The following TTC7B variants were observed in gnomAD, a reference collection of about 807,000 sequenced individuals.
TTC7B encodes the protein tetratricopeptide repeat protein 7B.
TTC7B carries 28 observed loss-of-function variants against 106.8 expected under a neutral mutation model. That is an observed-to-expected ratio of 0.26 (90% CI 0.19 to 0.36). TTC7B has a LOEUF of 0.36. Ranked by LOEUF, TTC7B falls within the 10% of genes least tolerant of loss-of-function variation. TTC7B has a pLI of 1.00. For synonymous variants in TTC7B, 405 were observed against 430.6 expected (o/e 0.94, Z 0.74); for missense variants, 862 against 1,076.4 (o/e 0.80, Z 2.79).
At chr14:90,765,268 G>A (rs1890636322) in intron 3 of TTC7B, among the ~76,000 whole-genome samples, 2 of 152,182 alleles carry the variant, frequency 1.3e-5, no homozygotes, top group South Asian at 4.1e-4. Context: ...TATAGAGACA[G>A]GGTATAGATT....
chr14:90,809,211 G>A (rs1489854055), intron 1 of TTC7B, among the ~76,000 whole-genome samples: 1 of 152,152 alleles, frequency 6.6e-6, no homozygotes, highest in African/African-American at 2.4e-5. Flanking sequence ...ACGATTTCCA[G>A]GGGAAAAAGA....
chr14:90,781,918 C>G (rs568052321), intron 2 of TTC7B, among the ~76,000 whole-genome samples: 2 of 152,296 alleles, frequency 1.3e-5, no homozygotes, highest in South Asian at 4.1e-4. Flanking sequence ...AACAGGCCAC[C>G]CTGCCACCTA....
intron 12 of TTC7B, 126 bp downstream of exon 12, chr14:90,654,866 TG>T (rs1885879516): frequency 1.4e-6 from 1 of 735,056 alleles, no homozygotes; most frequent in Non-Finnish European, 2.3e-6. Context: ...CCCCACCGGA[TG>T]GCACACCAGA....
intron 5 of TTC7B, among the ~76,000 whole-genome samples, chr14:90,704,181 G>A (rs1001801379): frequency 3.9e-5 from 6 of 152,202 alleles, no homozygotes; most frequent in Non-Finnish European, 8.8e-5. Flanking sequence ...TGAATCCTCC[G>A]CCTTTCCCCA....
intron 19 of TTC7B, among the ~76,000 whole-genome samples, chr14:90,569,319 C>G (rs370488388): frequency 6.6e-6 from 1 of 152,168 alleles, no homozygotes; most frequent in East Asian, 1.9e-4. Flanking sequence ...TGCCTTGTAC[C>G]GACACTGTGA....
chr14:90,549,744 T>C (rs940294925), intron 19 of TTC7B, among the ~76,000 whole-genome samples: 1 of 152,076 alleles, frequency 6.6e-6, no homozygotes, highest in Admixed American at 6.5e-5. Flanking sequence ...ATACTCTGAG[T>C]GTCAGATGCT....
chr14:90,814,713 G>T (rs910214577), intron 1 of TTC7B, among the ~76,000 whole-genome samples: 2 of 152,168 alleles, frequency 1.3e-5, no homozygotes, highest in Non-Finnish European at 2.9e-5. Context: ...AAGAGAAAAT[G>T]CTGCAGGTAA....
chr14:90,806,463 C>G (rs961824351), intron 1 of TTC7B, among the ~76,000 whole-genome samples: 2 of 152,232 alleles, frequency 1.3e-5, no homozygotes, highest in Non-Finnish European at 2.9e-5. Context: ...CCACCTGCCC[C>G]CTGCACCCTT....
Position 90,679,146 on chromosome 14 carries a change from G to C in TTC7B, c.1014+1326C>G, listed in dbSNP as rs145190968. The stretch of plus-strand genomic sequence containing the variant: ...GAGAATGTAAATGACACCACCCTAA[G>C]TTATCAGCTGACTATCGGGCAACCT... On this transcript the variant is annotated intron_variant, in intron 8 of 19. Coordinates refer to ENST00000328459, the MANE Select transcript of TTC7B (RefSeq NM_001010854.2). Among the ~76,000 whole-genome samples the C allele has an allele frequency of 1.8e-4, 28 of 152,278 alleles. 1 individual carries two copies. Among genetic ancestry groups the C allele is most frequent in the African/African-American group, 6.3e-4 (26 of 41,552 alleles).
intron 1 of TTC7B, among the ~76,000 whole-genome samples, chr14:90,789,760 G>A (rs1891516398): frequency 6.6e-6 from 1 of 151,988 alleles, no homozygotes; most frequent in South Asian, 2.1e-4. Context: ...GCCGGGCGTG[G>A]TGGTGGGTGT....
intron 1 of TTC7B, among the ~76,000 whole-genome samples, chr14:90,804,202 G>GC (rs1257419906): frequency 2.0e-5 from 3 of 151,996 alleles, no homozygotes; most frequent in Admixed American, 6.5e-5. Flanking sequence ...GGGCGTGGTG[G>GC]GGGCGCCTGT....
In TTC7B at chr14:90,538,374, C is replaced by A; in HGVS notation, c.*2994G>T. The A allele has an allele frequency of 6.6e-6, 1 of 152,200 alleles. No homozygotes were observed. The allele number at this position is 152,200 out of a possible 1,614,324, so 9.4% of individuals were successfully genotyped here. A position where few individuals can be genotyped will look rare whatever the true frequency, so the allele number is the denominator to read the frequency against. On this transcript the variant is annotated 3_prime_UTR_variant, in exon 20 of 20. Transcript: ENST00000328459. ...CTTAGTTGGGAAAGGCTCAGCAGGT[C>A]AGAAGACTAGGAAGAAGGCCAGAGC...
chr14:90,591,669 G>C (rs1227723698), intron 18 of TTC7B, among the ~76,000 whole-genome samples: 2 of 152,216 alleles, frequency 1.3e-5, no homozygotes, highest in Non-Finnish European at 2.9e-5. Context: ...ACCCAACTTT[G>C]AGACCAATTT....
chr14:90,680,673 A>G (rs997593385), intron 7 of TTC7B, 138 bp from the exon 8 acceptor site: 4 of 624,118 alleles, frequency 6.4e-6, no homozygotes, highest in Non-Finnish European at 8.4e-6. Flanking sequence ...ACTTGAATTA[A>G]TTTGCCTATT....
In TTC7B at chr14:90,658,295, G is replaced by C. The variant is rs752345427; in HGVS notation, c.1236+9C>G. ...GCATAAAAAACTGCCCATCACAAAA[G>C]GGACTCACTTTTCCAGCAGCCATCA... On this transcript the variant is annotated intron_variant, in intron 10 of 19. Transcript: ENST00000328459. 7.4e-6 allele frequency: 12 copies of C among 1,613,318 alleles called. No individual in the cohort carries two copies. The highest frequency in any genetic ancestry group is 1.0e-5 in the Non-Finnish European group (12 of 1,179,632).
chr14:90,583,069 T>C lies in TTC7B; in HGVS notation c.2108-4761A>G, dbSNP rs187382904. On this transcript the variant is annotated intron_variant, in intron 18 of 19. Transcript: ENST00000328459. ...AAAAGCCTTCTTTCCTGGGAGTCCATAGCCCAAATAAGGACCACATATTCC... is the reference window on the plus strand; with the variant it reads ...AAAAGCCTTCTTTCCTGGGAGTCCACAGCCCAAATAAGGACCACATATTCC... Among the ~76,000 whole-genome samples the C allele has an allele frequency of 6.6e-5, 10 of 152,306 alleles. No individual in the cohort carries two copies. In the East Asian group the frequency reaches 7.7e-4, roughly 12 times the overall value.
chr14:90,562,174 C>A (rs766041464), intron 19 of TTC7B, among the ~76,000 whole-genome samples: 14 of 152,178 alleles, frequency 9.2e-5, no homozygotes, highest in Non-Finnish European at 1.5e-4. Flanking sequence ...GGAAAAACCC[C>A]GGTCAGCCCA....
chr14:90,789,823 G>T (rs542024141), intron 1 of TTC7B, among the ~76,000 whole-genome samples: 4 of 152,044 alleles, frequency 2.6e-5, no homozygotes, highest in South Asian at 2.1e-4. Flanking sequence ...GTGAACCTGG[G>T]GGGTGGAGCT....
At chr14:90,786,374 C>T in intron 1 of TTC7B, 46 bp from the exon 2 acceptor site, 1 of 1,604,026 alleles carries the variant, frequency 6.2e-7, no homozygotes, top group Non-Finnish European at 8.5e-7. Flanking sequence ...GAATGGCCTG[C>T]ATGTAGGACC....
Sources: allele counts gnomAD v4.1 joint callset (sites outside exome capture counted in the v4.1 genomes callset), GRCh38; gene constraint gnomAD v4.1.1; transcripts MANE v1.5; gene names NCBI Gene and HGNC (gene_info 2026-07-23, HGNC 2026-07-21).